Variants in CASD1 observed in about 807,000 individuals in gnomAD.
CASD1 encodes N-acetylneuraminate (7)9-O-acetyltransferase.
In CASD1, 41 loss-of-function variants were observed where a neutral mutation model predicts 100.0. The ratio of observed to expected loss-of-function variants is 0.41; its 90% CI spans 0.32 to 0.53. The LOEUF (loss-of-function observed/expected upper bound fraction) is 0.53, where lower values mean the gene tolerates loss of function less well. Among genes scored for constraint, CASD1 ranks in the 20% least tolerant of loss-of-function variants. The probability of loss-of-function intolerance (pLI) is 0.25; values close to 1 mark genes in which losing one functional copy is unlikely to be tolerated. For synonymous variants in CASD1, 321 were observed against 315.6 expected (o/e 1.02, Z -0.18); for missense variants, 774 against 948.7 (o/e 0.82, Z 2.42).
chr7:94,609,174 C>A, the CASD1 span, among the ~76,000 whole-genome samples: 7 of 152,194 alleles, frequency 4.6e-5, no homozygotes, highest in East Asian at 1.3e-3. Flanking sequence ...TGATAAAGGA[C>A]TGTTATCCAA....
intron 4 of CASD1, among the ~76,000 whole-genome samples, chr7:94,527,984 G>A (rs763214054): frequency 6.6e-6 from 1 of 152,202 alleles, no homozygotes; most frequent in African/African-American, 2.4e-5. Context: ...CTAAAATGTG[G>A]ACAGTAGGTT....
At chr7:94,599,897 A>G in the CASD1 span, 2 of 568,100 alleles carry the variant, frequency 3.5e-6, no homozygotes, top group Non-Finnish European at 6.3e-6. Flanking sequence ...GTACACATAC[A>G]GCGATGGAAT....
chr7:94,522,015 C>T (rs140939205), intron 3 of CASD1, among the ~76,000 whole-genome samples: 1,753 of 152,136 alleles, frequency 0.012, 32 homozygotes, highest in African/African-American at 0.04. Context: ...ACACGGGAGG[C>T]GGAGCTTGCA....
At chr7:94,553,815 T>TAAATAAAAA (rs370820977) in intron 16 of CASD1, 1 of 150,820 alleles carries the variant, frequency 6.6e-6, no homozygotes, top group African/African-American at 2.4e-5. Context: ...AATAAATAAA[T>TAAATAAAAA]AAAAAGAAAA....
At chr7:94,548,049 G>A (rs562255646) in intron 13 of CASD1, among the ~76,000 whole-genome samples, 500 of 151,490 alleles carry the variant, frequency 3.3e-3, no homozygotes, top group African/African-American at 0.011. Flanking sequence ...AGATAAATAA[G>A]GAAACAACTA....
the CASD1 span, among the ~76,000 whole-genome samples, chr7:94,586,061 G>GAAAAAAAAAAAAAAAAAAAAAAAAA: frequency 1.7e-4 from 5 of 28,906 alleles, no homozygotes; most frequent in Non-Finnish European, 2.4e-4. Context: ...GGAACTAAAT[G>GAAAAAAAAAAAAAAAAAAAAAAAAA]AAAAAAAAAA....
At chr7:94,538,318 T>C (rs1386220780) in intron 9 of CASD1, among the ~76,000 whole-genome samples, 2 of 150,784 alleles carry the variant, frequency 1.3e-5, no homozygotes, top group Non-Finnish European at 1.5e-5. Flanking sequence ...GTCAGACATA[T>C]ATACATACCA....
the CASD1 span, chr7:94,628,671 C>A: frequency 2.9e-6 from 1 of 343,822 alleles, no homozygotes; most frequent in Non-Finnish European, 5.5e-6. Context: ...CAGGAGAATT[C>A]CCTAATCATG....
intron 11 of CASD1, among the ~76,000 whole-genome samples, chr7:94,544,853 TATTA>T (rs1795597827): frequency 6.6e-6 from 1 of 152,110 alleles, no homozygotes. Context: ...AGAGGATGAA[TATTA>T]ATTAAGTTTC....
At chr7:94,510,432 G>T (rs1338374645) in intron 1 of CASD1, among the ~76,000 whole-genome samples, 1 of 152,192 alleles carries the variant, frequency 6.6e-6, no homozygotes, top group Non-Finnish European at 1.5e-5. Flanking sequence ...ATGGCTGGTG[G>T]TTCTGGGCGC....
chr7:94,524,193 A>T (rs531851883), intron 3 of CASD1: 1 of 152,140 alleles, frequency 6.6e-6, no homozygotes, highest in Admixed American at 6.5e-5. Flanking sequence ...ATAAAAGATA[A>T]ATTCACATAC....
At chr7:94,610,278 G>A in the CASD1 span, among the ~76,000 whole-genome samples, 2 of 152,078 alleles carry the variant, frequency 1.3e-5, no homozygotes, top group Non-Finnish European at 2.9e-5. Flanking sequence ...CTATAATGAT[G>A]GAAACATGTC....
chr7:94,528,401 G>T (rs1013848974), intron 5 of CASD1, 151 bp downstream of exon 5: 17 of 520,964 alleles, frequency 3.3e-5, no homozygotes, highest in African/African-American at 3.2e-4. Context: ...ACTGATTCTA[G>T]CACTTCATTG....
chr7:94,582,741 T>G, the CASD1 span, among the ~76,000 whole-genome samples: 1 of 152,210 alleles, frequency 6.6e-6, no homozygotes, highest in Non-Finnish European at 1.5e-5. Context: ...ATAGCATCAA[T>G]TACTTTCCCT....
At chr7:94,599,225 C>A in the CASD1 span, 6 of 352,692 alleles carry the variant, frequency 1.7e-5, no homozygotes, top group East Asian at 3.1e-4. Context: ...ATATTACTGT[C>A]CTAAGTAACC....
intron 11 of CASD1, among the ~76,000 whole-genome samples, chr7:94,545,167 G>GT (rs1289395934): frequency 1.3e-5 from 2 of 151,934 alleles, no homozygotes; most frequent in African/African-American, 4.8e-5. Flanking sequence ...ATCCCAAATG[G>GT]GGTAAGTCAA....
At chr7:94,525,399 G>C (rs906978240) in intron 3 of CASD1, among the ~76,000 whole-genome samples, 3 of 152,134 alleles carry the variant, frequency 2.0e-5, no homozygotes, top group African/African-American at 7.2e-5. Flanking sequence ...ACTTAAGATA[G>C]GGAAAGGACC....
At chr7:94,526,132 A>G (rs1477503685) in intron 3 of CASD1, among the ~76,000 whole-genome samples, 2 of 152,180 alleles carry the variant, frequency 1.3e-5, no homozygotes, top group Non-Finnish European at 2.9e-5. Flanking sequence ...ATACTAGTAC[A>G]CTGGTGAGAA....
At chr7:94,544,277 G>C in intron 10 of CASD1, 134 bp from the exon 11 acceptor site, 1 of 1,093,678 alleles carries the variant, frequency 9.1e-7, no homozygotes, top group Non-Finnish European at 1.3e-6. Flanking sequence ...ACTAACTTTT[G>C]AGAATCAACT....
Sources: gnomAD v4.1 joint callset for allele counts (sites outside exome capture counted in the v4.1 genomes callset) on GRCh38, gnomAD v4.1.1 for gene constraint, MANE v1.5 for transcripts, NCBI Gene and HGNC (gene_info 2026-07-23, HGNC 2026-07-21) for gene names.